Variants in CSMD1 observed in about 807,000 individuals in gnomAD.
The protein encoded by CSMD1 is CUB and sushi domain-containing protein 1.
Under a neutral mutation model 417.5 loss-of-function variants are expected in CSMD1, and 213 were observed. That is an observed-to-expected ratio of 0.51 (90% CI 0.46 to 0.57). The LOEUF (loss-of-function observed/expected upper bound fraction) is 0.57. Ranked by LOEUF, CSMD1 falls within the 20% of genes least tolerant of loss-of-function variation. The pLI, the probability that CSMD1 is intolerant of heterozygous loss-of-function variation, is 0.00. For missense variants in CSMD1, 6,923 were observed against 4,529.7 expected, an observed-to-expected ratio of 1.53 and a Z score of -15.17; for synonymous variants, 2,862 against 1,736.8, an observed-to-expected ratio of 1.65 and a Z score of -16.11.
intron 5 of CSMD1, among the ~76,000 whole-genome samples, chr8:3,800,119 G>A (rs779235619): frequency 1.1e-4 from 16 of 152,154 alleles, no homozygotes; most frequent in South Asian, 4.1e-4. Flanking sequence ...AGTATATGGC[G>A]CTATTTATAT....
At chr8:3,980,956 A>C (rs1813816342) in intron 5 of CSMD1, among the ~76,000 whole-genome samples, 1 of 152,104 alleles carries the variant, frequency 6.6e-6, no homozygotes, top group Non-Finnish European at 1.5e-5. Context: ...TCCCATAAAG[A>C]GTAGGGGCCC....
chr8:4,659,164 C>G (rs2130915378), intron 1 of CSMD1, among the ~76,000 whole-genome samples: 1 of 151,906 alleles, frequency 6.6e-6, no homozygotes, highest in Admixed American at 6.6e-5. Flanking sequence ...AAAAAGTTTC[C>G]TGGAGACAAA....
At position 3,018,571 on chromosome 8, in the gene CSMD1, T is replaced by C; in HGVS notation, c.7935A>G (p.Ile2645Met). The C allele has an allele frequency of 6.2e-7, 1 of 1,613,106 alleles. No individual in the cohort carries two copies. Among genetic ancestry groups the C allele is most frequent in the East Asian group, 2.2e-5 (1 of 44,844 alleles). ...GCGTGTAGCCGGTGTTGCACGTAAA[T>C]ATAGCTGTGGCCCCATAAACTGTCA... ...GTLTVYGATAIFTCNTGYTLV... is the reference protein window; with the variant it reads ...GTLTVYGATAMFTCNTGYTLV... Residue 2645 changes from isoleucine (I) to methionine (M), a missense_variant, in exon 52 of 70, where the codon ATA becomes ATG. Coordinates refer to ENST00000635120, the MANE Select transcript of CSMD1 (RefSeq NM_033225.6).
chr8:3,598,479 G>A (rs1333479342), intron 8 of CSMD1, among the ~76,000 whole-genome samples: 4 of 152,098 alleles, frequency 2.6e-5, no homozygotes, highest in East Asian at 1.9e-4. Context: ...CCGCCCCATA[G>A]GCTCAAGTGG....
At chr8:3,982,460 G>A (rs895216144) in intron 5 of CSMD1, among the ~76,000 whole-genome samples, 3 of 151,970 alleles carry the variant, frequency 2.0e-5, no homozygotes, top group African/African-American at 7.2e-5. Flanking sequence ...TAACTCACAT[G>A]ATTACTATTA....
At chr8:4,690,848 C>A (rs961811577) in intron 1 of CSMD1, among the ~76,000 whole-genome samples, 1 of 152,152 alleles carries the variant, frequency 6.6e-6, no homozygotes, top group African/African-American at 2.4e-5. Context: ...GCTGCCTCAG[C>A]CTCCTGAGCA....
intron 7 of CSMD1, among the ~76,000 whole-genome samples, chr8:3,649,427 A>G (rs1196365160): frequency 1.3e-5 from 2 of 152,192 alleles, no homozygotes; most frequent in East Asian, 1.9e-4. Flanking sequence ...ACTGCCTGAG[A>G]CTGGGTAATT....
At chr8:3,351,854 T>C (rs550551210) in intron 21 of CSMD1, among the ~76,000 whole-genome samples, 9 of 151,516 alleles carry the variant, frequency 5.9e-5, no homozygotes, top group Non-Finnish European at 1.2e-4. Flanking sequence ...TTTTCAAAGA[T>C]TTTAAAGACG....
chr8:4,637,778 C>T (rs936674699), intron 1 of CSMD1, among the ~76,000 whole-genome samples: 291 of 150,588 alleles, frequency 1.9e-3, no homozygotes, highest in African/African-American at 6.9e-3. Flanking sequence ...TCACGCCATT[C>T]TCCTGCCTCA....
At chr8:4,943,227 G>A (rs993174484) in intron 1 of CSMD1, among the ~76,000 whole-genome samples, 1 of 152,134 alleles carries the variant, frequency 6.6e-6, no homozygotes, top group Non-Finnish European at 1.5e-5. Flanking sequence ...CGGGTGCAGT[G>A]GCTCATGCTT....
At chr8:3,686,391 T>A (rs984792014) in intron 7 of CSMD1, among the ~76,000 whole-genome samples, 5 of 152,190 alleles carry the variant, frequency 3.3e-5, no homozygotes, top group South Asian at 4.1e-4. Context: ...ACACTGACGA[T>A]GAGAGTTGCA....
At chr8:2,957,587 AT>A (rs1803107030) in intron 63 of CSMD1, 108 bp downstream of exon 63, 1 of 764,730 alleles carries the variant, frequency 1.3e-6, no homozygotes, top group African/African-American at 1.8e-5. Context: ...AAAATTTAGG[AT>A]TAGGGAATTA....
chr8:4,155,298 G>T (rs186690593), intron 3 of CSMD1, among the ~76,000 whole-genome samples: 1 of 152,196 alleles, frequency 6.6e-6, no homozygotes, highest in Admixed American at 6.5e-5. Context: ...GGAGCAGCAA[G>T]ATCAGCGTTT....
chr8:4,814,811 A>T (rs1439761986), intron 1 of CSMD1, among the ~76,000 whole-genome samples: 3 of 152,138 alleles, frequency 2.0e-5, no homozygotes, highest in Admixed American at 6.5e-5. Context: ...GCTTACTGTA[A>T]TAAGGTACCC....
chr8:4,108,754 T>C (rs145328493), intron 3 of CSMD1, among the ~76,000 whole-genome samples: 224 of 151,766 alleles, frequency 1.5e-3, no homozygotes, highest in Middle Eastern at 0.01. Flanking sequence ...ATTTAGTTTC[T>C]AGGCAGCTCA....
rs1810203327 is a variant in CSMD1 at position 3,932,278 on chromosome 8, T to C, written c.818+65625A>G. ...GACGAAAGTAATAGTTGGTTGAGAATTCTCAAGAAGTTTTGTTGCTCAGTT... is the reference window on the plus strand; with the variant it reads ...GACGAAAGTAATAGTTGGTTGAGAACTCTCAAGAAGTTTTGTTGCTCAGTT... On this transcript the variant is annotated intron_variant, in intron 5 of 69. Coordinates refer to ENST00000635120, the MANE Select transcript of CSMD1 (RefSeq NM_033225.6). Among the ~76,000 whole-genome samples, 2 of 150,630 alleles carry C rather than the reference T, an allele frequency of 1.3e-5. 1 individual carries two copies. The highest frequency in any genetic ancestry group is 4.9e-5 in the African/African-American group (2 of 40,862).
intron 26 of CSMD1, among the ~76,000 whole-genome samples, chr8:3,280,639 T>G (rs576332590): frequency 1.3e-5 from 2 of 152,306 alleles, no homozygotes; most frequent in South Asian, 4.2e-4. Flanking sequence ...CCATGTGAAA[T>G]TGTCAACATT....
Position 4,146,100 on chromosome 8 carries a change from C to T in CSMD1, c.416-114001G>A, listed in dbSNP as rs1462436815. ...TTGCATGTATCTGCCTCCCACACAC[C>T]AACATAATGGCAGTCGGTGAGGAAT... is the stretch of plus-strand genomic sequence containing the variant. On this transcript the variant is annotated intron_variant, in intron 3 of 69. Coordinates refer to ENST00000635120, the MANE Select transcript of CSMD1 (RefSeq NM_033225.6). Among the ~76,000 whole-genome samples, 3 of 150,836 alleles carry T rather than the reference C, an allele frequency of 2.0e-5. 1 individual carries two copies. Among genetic ancestry groups the T allele is most frequent in the African/African-American group, 7.5e-5 (3 of 40,240 alleles).
chr8:4,195,300 A>T (rs1799265503), intron 3 of CSMD1, among the ~76,000 whole-genome samples: 1 of 152,154 alleles, frequency 6.6e-6, no homozygotes, highest in Non-Finnish European at 1.5e-5. Context: ...CAATCATAAT[A>T]TTAATAGGCA....
Sources: gnomAD v4.1 joint callset for allele counts (sites outside exome capture counted in the v4.1 genomes callset) on GRCh38, gnomAD v4.1.1 for gene constraint, MANE v1.5 for transcripts, NCBI Gene and HGNC (gene_info 2026-07-23, HGNC 2026-07-21) for gene names.